Variants in MACROD2 observed in about 807,000 individuals in gnomAD.
The protein encoded by MACROD2 is ADP-ribose glycohydrolase MACROD2.
A neutral mutation model predicts 70.4 loss-of-function variants in MACROD2; 36 were observed. The observed-to-expected ratio is 0.51, with a 90% CI of 0.39 to 0.68. The LOEUF (loss-of-function observed/expected upper bound fraction) is 0.68, where lower values mean the gene tolerates loss of function less well. MACROD2 is among the 30% of genes least tolerant of loss of function. The probability of loss-of-function intolerance (pLI) is 0.00; values close to 1 mark genes in which losing one functional copy is unlikely to be tolerated. For missense variants in MACROD2, 496 were observed against 538.4 expected (o/e 0.92, Z 0.78); for synonymous variants, 172 against 178.8 (o/e 0.96, Z 0.30).
intron 12 of MACROD2, among the ~76,000 whole-genome samples, chr20:15,951,547 A>G (rs150480019): frequency 6.6e-6 from 1 of 152,170 alleles, no homozygotes; most frequent in East Asian, 1.9e-4. Flanking sequence ...TAGCCCTGTT[A>G]TTTTGCACCA....
intron 4 of MACROD2, among the ~76,000 whole-genome samples, chr20:14,514,723 G>A (rs890341937): frequency 6.6e-6 from 1 of 152,024 alleles, no homozygotes; most frequent in Non-Finnish European, 1.5e-5. Flanking sequence ...GTGTTGAATG[G>A]CGCCAATACC....
chr20:14,460,686 T>A (rs2084358336), intron 3 of MACROD2, among the ~76,000 whole-genome samples: 7 of 152,128 alleles, frequency 4.6e-5, no homozygotes, highest in Admixed American at 4.6e-4. Context: ...AATCATGTGG[T>A]TTTTGTCATT....
At chr20:15,617,981 G>A (rs2049061952) in intron 8 of MACROD2, among the ~76,000 whole-genome samples, 1 of 152,122 alleles carries the variant, frequency 6.6e-6, no homozygotes, top group Admixed American at 6.5e-5. Context: ...GGGTGTAGAA[G>A]GGAGGATGAG....
intron 5 of MACROD2, among the ~76,000 whole-genome samples, chr20:14,922,135 T>C (rs950492387): frequency 6.6e-6 from 1 of 152,180 alleles, no homozygotes; most frequent in Admixed American, 6.5e-5. Flanking sequence ...CCTAATCTTT[T>C]CTATTTCTGG....
At chr20:15,434,293 A>T (rs1304749752) in intron 7 of MACROD2, among the ~76,000 whole-genome samples, 4 of 151,838 alleles carry the variant, frequency 2.6e-5, no homozygotes, top group Non-Finnish European at 5.9e-5. Context: ...CCAAGAACTA[A>T]TACCCAGAAT....
intron 5 of MACROD2, among the ~76,000 whole-genome samples, chr20:15,141,692 T>A (rs2076193503): frequency 6.6e-6 from 1 of 152,200 alleles, no homozygotes; most frequent in Admixed American, 6.5e-5. Context: ...ATAAACCACT[T>A]CTTAATATTC....
At position 15,976,991 on chromosome 20, in the gene MACROD2, A is replaced by G. The variant is rs6135623; in HGVS notation, c.985+9361A>G. Among the ~76,000 whole-genome samples the G allele has an allele frequency of 3.5e-3, 539 of 152,302 alleles. 18 individuals are homozygous for G. The East Asian group carries it at 0.082, about 23-fold the overall frequency. ...CCTTTTCAGCAGTGCCCCAGGCTCT[A>G]TTAAATGGGGACCTGCTCATTCTTG... On this transcript the variant is annotated intron_variant, in intron 13 of 17. Transcript: ENST00000684519.
At chr20:15,418,071 T>G (rs962716394) in intron 6 of MACROD2, among the ~76,000 whole-genome samples, 1 of 152,230 alleles carries the variant, frequency 6.6e-6, no homozygotes, top group Non-Finnish European at 1.5e-5. Context: ...GGATCGGGGC[T>G]TCTGTCTGAG....
At chr20:14,225,808 A>G (rs2081727747) in intron 3 of MACROD2, among the ~76,000 whole-genome samples, 1 of 152,218 alleles carries the variant, frequency 6.6e-6, no homozygotes, top group African/African-American at 2.4e-5. Flanking sequence ...TTTTTAAGGT[A>G]GTTGTTTGAA....
At chr20:15,752,228 T>C (rs1291252759) in intron 8 of MACROD2, among the ~76,000 whole-genome samples, 1 of 152,094 alleles carries the variant, frequency 6.6e-6, no homozygotes, top group Non-Finnish European at 1.5e-5. Flanking sequence ...TATTTTAGTA[T>C]TTTCAACCCA....
intron 5 of MACROD2, among the ~76,000 whole-genome samples, chr20:15,209,354 G>A (rs969998267): frequency 3.3e-5 from 5 of 152,028 alleles, no homozygotes; most frequent in African/African-American, 9.7e-5. Context: ...GAGGAATAGG[G>A]AGAAGTCCAT....
chr20:14,838,124 T>C (rs1264438544), intron 5 of MACROD2, among the ~76,000 whole-genome samples: 1 of 152,086 alleles, frequency 6.6e-6, no homozygotes. Flanking sequence ...AATATCTTGT[T>C]TGAGTCATTT....
At chr20:14,648,064 G>A (rs1021442193) in intron 4 of MACROD2, among the ~76,000 whole-genome samples, 1 of 152,138 alleles carries the variant, frequency 6.6e-6, no homozygotes, top group Non-Finnish European at 1.5e-5. Flanking sequence ...CTTATATGTA[G>A]TGCCTAAATA....
At chr20:14,408,049 T>A (rs1265442248) in intron 3 of MACROD2, among the ~76,000 whole-genome samples, 1 of 152,168 alleles carries the variant, frequency 6.6e-6, no homozygotes, top group Non-Finnish European at 1.5e-5. Flanking sequence ...TTTGTGACTT[T>A]TAGTGTTATG....
chr20:14,502,113 A>G (rs532339343), intron 4 of MACROD2, among the ~76,000 whole-genome samples: 45 of 152,354 alleles, frequency 3.0e-4, no homozygotes, highest in African/African-American at 1.1e-3. Flanking sequence ...ACAAGTTTCA[A>G]GCAAAATACT....
intron 12 of MACROD2, among the ~76,000 whole-genome samples, chr20:15,953,371 G>A (rs1234094063): frequency 6.6e-6 from 1 of 152,046 alleles, no homozygotes; most frequent in Admixed American, 6.6e-5. Context: ...TATATTGAAT[G>A]TTCCCAAAAC....
At chr20:14,072,497 T>C (rs775945885) in intron 2 of MACROD2, among the ~76,000 whole-genome samples, 9 of 152,270 alleles carry the variant, frequency 5.9e-5, no homozygotes, top group Non-Finnish European at 8.8e-5. Flanking sequence ...CCAGCCTTCT[T>C]ACCAGCTGTG....
At chr20:14,094,874 A>G (rs2054200740) in intron 3 of MACROD2, among the ~76,000 whole-genome samples, 1 of 152,112 alleles carries the variant, frequency 6.6e-6, no homozygotes, top group South Asian at 2.1e-4. Context: ...GTCTCTTGCC[A>G]CTGACCTGCA....
At chr20:15,067,270 C>T (rs1316184862) in intron 5 of MACROD2, among the ~76,000 whole-genome samples, 5 of 151,954 alleles carry the variant, frequency 3.3e-5, no homozygotes, top group Admixed American at 1.3e-4. Context: ...CATGGCTTAC[C>T]CTAATGCTTA....
Sources: allele counts gnomAD v4.1 joint callset (sites outside exome capture counted in the v4.1 genomes callset), GRCh38; gene constraint gnomAD v4.1.1; transcripts MANE v1.5; gene names NCBI Gene and HGNC (gene_info 2026-07-23, HGNC 2026-07-21).